Variants in ARHGAP25 observed in about 807,000 individuals in gnomAD.
The protein encoded by ARHGAP25 is Rho GTPase activating protein 25.
A neutral mutation model predicts 71.0 loss-of-function variants in ARHGAP25; 34 were observed. The ratio of observed to expected loss-of-function variants is 0.48; its 90% CI spans 0.36 to 0.64. The LOEUF is 0.64. Ranked by LOEUF, ARHGAP25 falls within the 30% of genes least tolerant of loss-of-function variation. The pLI is 0.00. For missense variants in ARHGAP25, 706 were observed against 805.1 expected (o/e 0.88, Z 1.49); for synonymous variants, 282 against 296.5 (o/e 0.95, Z 0.50).
At chr2:68,726,384 G>A (rs1412436230) in intron 2 of ARHGAP25, among the ~76,000 whole-genome samples, 2 of 152,340 alleles carry the variant, frequency 1.3e-5, no homozygotes, top group South Asian at 2.1e-4. Context: ...ATGGCCAAAA[G>A]GAGGTGTTAC....
At chr2:68,815,546 T>C (rs559209607) in intron 6 of ARHGAP25, among the ~76,000 whole-genome samples, 1 of 148,650 alleles carries the variant, frequency 6.7e-6, no homozygotes, top group African/African-American at 2.5e-5. Context: ...CGCCTTCCGG[T>C]TTCAAGCGAT....
At chr2:68,730,555 C>T (rs936455130), upstream of ARHGAP25, among the ~76,000 whole-genome samples, 1 of 151,334 alleles carries the variant, frequency 6.6e-6, no homozygotes, top group Non-Finnish European at 1.5e-5. Flanking sequence ...TAGGCCAAGG[C>T]GTGAGGATTG....
intron 1 of ARHGAP25, among the ~76,000 whole-genome samples, chr2:68,737,485 C>T (rs999401424): frequency 6.6e-6 from 1 of 152,124 alleles, no homozygotes; most frequent in Non-Finnish European, 1.5e-5. Flanking sequence ...TGGCCTCTAC[C>T]TTCTAGGTGA....
At chr2:68,802,665 G>C (rs952122009) in intron 4 of ARHGAP25, among the ~76,000 whole-genome samples, 39 of 151,726 alleles carry the variant, frequency 2.6e-4, no homozygotes, top group African/African-American at 9.5e-4. Flanking sequence ...AAGATACTGG[G>C]AGAATTGCCA....
intron 4 of ARHGAP25, among the ~76,000 whole-genome samples, chr2:68,804,242 T>A (rs535022994): frequency 6.6e-6 from 1 of 152,284 alleles, no homozygotes; most frequent in Non-Finnish European, 1.5e-5. Context: ...GAGCTTGAAT[T>A]TGAAAGCTTT....
rs994777199 is a variant in ARHGAP25 at position 68,826,284 on chromosome 2, T to C, written c.*90T>C. Reference sequence around the variant, plus strand: ...ATCTGATGACGGGGAAACAAAATTATTCTCTGAGAGGGAAAGGACATTTGA... The same window carrying C: ...ATCTGATGACGGGGAAACAAAATTACTCTCTGAGAGGGAAAGGACATTTGA... On this transcript the variant is annotated 3_prime_UTR_variant, in exon 11 of 11. Coordinates refer to ENST00000409202, the MANE Select transcript of ARHGAP25 (RefSeq NM_001007231.3). 1.6e-6 allele frequency: 2 copies of C among 1,214,940 alleles called. No individual in the cohort carries two copies. Among genetic ancestry groups the C allele is most frequent in the East Asian group, 4.7e-5 (2 of 42,466 alleles). 75.3% of individuals were successfully genotyped at this position (1,214,940 alleles called of 1,614,324 possible). A position where few individuals can be genotyped will look rare whatever the true frequency, so the allele number is the denominator to read the frequency against.
intron 1 of ARHGAP25, among the ~76,000 whole-genome samples, chr2:68,750,943 G>A (rs542274667): frequency 6.6e-6 from 1 of 152,336 alleles, no homozygotes; most frequent in South Asian, 2.1e-4. Flanking sequence ...AATGCCACTT[G>A]TCAACAGACC....
intron 4 of ARHGAP25, among the ~76,000 whole-genome samples, chr2:68,805,944 C>T (rs1265485428): frequency 6.6e-6 from 1 of 152,156 alleles, no homozygotes; most frequent in Non-Finnish European, 1.5e-5. Flanking sequence ...GGTATGGAAG[C>T]CTGGTGGGAG....
intron 2 of ARHGAP25, among the ~76,000 whole-genome samples, chr2:68,712,382 A>C (rs759076160): frequency 6.6e-6 from 1 of 151,994 alleles, no homozygotes; most frequent in African/African-American, 2.4e-5. Context: ...AAATTTGTTT[A>C]AGTTTCTTGT....
intron 7 of ARHGAP25, 93 bp from the exon 8 acceptor site, chr2:68,817,780 T>C (rs902128946): frequency 1.7e-5 from 25 of 1,471,878 alleles, no homozygotes; most frequent in South Asian, 3.6e-5. Flanking sequence ...GAGGAAAGCA[T>C]TGGATCCATC....
At chr2:68,736,368 T>C (rs545811619) in intron 1 of ARHGAP25, among the ~76,000 whole-genome samples, 3 of 152,296 alleles carry the variant, frequency 2.0e-5, no homozygotes, top group African/African-American at 4.8e-5. Flanking sequence ...GAAAAGGTAA[T>C]GTTCATACCT....
At chr2:68,730,321 A>G, upstream of ARHGAP25, among the ~76,000 whole-genome samples, 1 of 152,158 alleles carries the variant, frequency 6.6e-6, no homozygotes, top group East Asian at 1.9e-4. Flanking sequence ...GGACTTCTGT[A>G]ATGGTAAAAA....
Position 68,805,763 on chromosome 2 carries a change from G to A in ARHGAP25, c.467-1510G>A, listed in dbSNP as rs1019219738. Among the ~76,000 whole-genome samples the A allele has an allele frequency of 7.9e-5, 12 of 152,170 alleles. 1 individual carries two copies. Among genetic ancestry groups the A allele is most frequent in the Admixed American group, 1.3e-4 (2 of 15,280 alleles). On this transcript the variant is annotated intron_variant, in intron 4 of 10. Transcript: ENST00000409202. Reference sequence around the variant, plus strand: ...ACAGGTGGAATCCACAGGAACTCGAGGTGGGATGGAGGGGACCAACGTGAG... The same window carrying A: ...ACAGGTGGAATCCACAGGAACTCGAAGTGGGATGGAGGGGACCAACGTGAG...
In ARHGAP25 at chr2:68,780,409, A is replaced by G. The variant is rs1219736800; in HGVS notation, c.262-1824A>G. Among the ~76,000 whole-genome samples the G allele has an allele frequency of 2.6e-5, 4 of 152,226 alleles. No individual in the cohort carries two copies. In the East Asian group the frequency reaches 7.7e-4, roughly 29 times the overall value. Reference sequence around the variant, plus strand: ...CAACAAGGCCTTTTATTCTGGTGCCATAACTCATCCAAAGTAGCTCAGCAG... The same window carrying G: ...CAACAAGGCCTTTTATTCTGGTGCCGTAACTCATCCAAAGTAGCTCAGCAG... On this transcript the variant is annotated intron_variant, in intron 2 of 10. Coordinates refer to ENST00000409202, the MANE Select transcript of ARHGAP25 (RefSeq NM_001007231.3).
At chr2:68,812,753 A>G (rs190169671) in intron 5 of ARHGAP25, among the ~76,000 whole-genome samples, 155 of 152,280 alleles carry the variant, frequency 1.0e-3, no homozygotes, top group African/African-American at 3.3e-3. Context: ...TGGATTGGCT[A>G]CTGAAATCCC....
intron 1 of ARHGAP25, among the ~76,000 whole-genome samples, chr2:68,752,370 C>T (rs1002494592): frequency 6.6e-6 from 1 of 151,610 alleles, no homozygotes; most frequent in African/African-American, 2.4e-5. Context: ...GAGACACCTG[C>T]CATTTCTGTT....
At chr2:68,737,385 T>C (rs1675275749) in intron 1 of ARHGAP25, among the ~76,000 whole-genome samples, 1 of 152,228 alleles carries the variant, frequency 6.6e-6, no homozygotes, top group South Asian at 2.1e-4. Context: ...TTTAACGTTT[T>C]CTCAACCTAG....
rs771166735 is a variant in ARHGAP25, at chr2:68,734,898, C to A, written c.-302C>A. Reference sequence around the variant, plus strand: ...CCCATGACGCAGAGGGAAGTGTCAACTGGGATATTTCTGGTAAAACTGAAA... The same window carrying A: ...CCCATGACGCAGAGGGAAGTGTCAAATGGGATATTTCTGGTAAAACTGAAA... On this transcript the variant is annotated 5_prime_UTR_variant, in exon 1 of 11. In the 5' UTR this introduces an upstream ATG that the reference lacks. Transcript: ENST00000409202. 3.5e-5 allele frequency: 15 copies of A among 425,222 alleles called. No individual in the cohort carries two copies. Among genetic ancestry groups the A allele is most frequent in the Non-Finnish European group, 5.1e-5 (12 of 236,132 alleles). 26.3% of individuals were successfully genotyped at this position (425,222 alleles called of 1,614,324 possible).
At chr2:68,822,305 A>G (rs780247143) in intron 9 of ARHGAP25, 35 bp from the exon 10 acceptor site, 1 of 1,584,068 alleles carries the variant, frequency 6.3e-7, no homozygotes, top group Admixed American at 1.8e-5. Flanking sequence ...AGAGGTGAAA[A>G]CCCCATGTGA....
Sources: gnomAD v4.1 joint callset for allele counts (sites outside exome capture counted in the v4.1 genomes callset) on GRCh38, gnomAD v4.1.1 for gene constraint, MANE v1.5 for transcripts, NCBI Gene and HGNC (gene_info 2026-07-23, HGNC 2026-07-21) for gene names.